The following BOD1L1 variants were observed in gnomAD, a reference collection of about 807,000 sequenced individuals.
BOD1L1 encodes the protein biorientation of chromosomes in cell division 1 like 1, also known as biorientation of chromosomes in cell division protein 1-like 1.
BOD1L1 carries 86 observed loss-of-function variants against 240.7 expected under a neutral mutation model. The ratio of observed to expected loss-of-function variants is 0.36; its 90% CI spans 0.30 to 0.43. The LOEUF (loss-of-function observed/expected upper bound fraction) is 0.43, where lower values mean the gene tolerates loss of function less well. BOD1L1 is among the 20% of genes least tolerant of loss of function. The pLI, the probability that BOD1L1 is intolerant of heterozygous loss-of-function variation, is 1.00. For missense variants in BOD1L1, 3,554 were observed against 3,643.5 expected (o/e 0.98, Z 0.63); for synonymous variants, 1,268 against 1,272.3 (o/e 1.00, Z 0.07).
chr4:13,599,010 T>C lies in BOD1L1; in HGVS notation c.7890A>G (p.Lys2630=), dbSNP rs1290941881. Residue 2630 remains lysine, a synonymous_variant, in exon 10 of 26, where the codon AAA becomes AAG. Coordinates refer to ENST00000040738, the MANE Select transcript of BOD1L1 (RefSeq NM_148894.3). ...EKTGDDNSTR[K]SFPEEGDIMV... ...TTATGTCTCCTTCCTCAGGGAATGA[T>C]TTCCTTGTGCTGTTATCATCTCCTG... 5 of 1,613,742 alleles carry C rather than the reference T, an allele frequency of 3.1e-6. No individual in the cohort carries two copies. The highest frequency in any genetic ancestry group is 2.2e-5 in the East Asian group (1 of 44,882).
intron 22 of BOD1L1, among the ~76,000 whole-genome samples, chr4:13,579,616 G>A (rs1713059808): frequency 6.6e-6 from 1 of 152,160 alleles, no homozygotes; most frequent in Non-Finnish European, 1.5e-5. Flanking sequence ...TCTGGAAAAT[G>A]CAAGCAATAT....
intron 2 of BOD1L1, among the ~76,000 whole-genome samples, chr4:13,619,656 T>C (rs1716895972): frequency 6.6e-6 from 1 of 152,346 alleles, no homozygotes. Flanking sequence ...GTATATATCA[T>C]CTATTAATAT....
At chr4:13,584,399 T>G (rs12331670) in intron 17 of BOD1L1, among the ~76,000 whole-genome samples, 33,241 of 148,166 alleles carry the variant, frequency 0.22, 4,283 homozygotes, top group African/African-American at 0.35. Flanking sequence ...ATGGAGAGAG[T>G]CAGCATGTGT....
At chr4:13,614,130 A>G in intron 4 of BOD1L1, 66 bp downstream of exon 4, 3 of 1,339,588 alleles carry the variant, frequency 2.2e-6, no homozygotes, top group Non-Finnish European at 2.0e-6. Context: ...GGCAAATTTG[A>G]TACTTCCCTG....
At chr4:13,611,146 T>C (rs1333215745) in intron 5 of BOD1L1, 46 bp from the exon 6 acceptor site, 2 of 1,406,058 alleles carry the variant, frequency 1.4e-6, no homozygotes, top group African/African-American at 1.4e-5. Context: ...TGAATTAGCA[T>C]AAAATCAACA....
chr4:13,590,125 G>A (rs111942137), intron 14 of BOD1L1, among the ~76,000 whole-genome samples: 149 of 152,306 alleles, frequency 9.8e-4, no homozygotes, highest in African/African-American at 3.3e-3. Context: ...GAGTCAACTG[G>A]GAGATTAATG....
At chr4:13,587,925 C>T (rs1434178810) in intron 15 of BOD1L1, among the ~76,000 whole-genome samples, 154 bp from the exon 16 acceptor site, 1 of 152,134 alleles carries the variant, frequency 6.6e-6, no homozygotes, top group Non-Finnish European at 1.5e-5. Context: ...GTGGCTCACA[C>T]CTGTAATCCC....
At chr4:13,609,216 C>T (rs1333174413) in intron 7 of BOD1L1, 79 bp downstream of exon 7, 4 of 752,716 alleles carry the variant, frequency 5.3e-6, no homozygotes, top group Non-Finnish European at 7.6e-6. Flanking sequence ...ATATTCATGT[C>T]TCATAAGTAA....
chr4:13,611,029 C>T lies in BOD1L1; in HGVS notation c.1396G>A (p.Val466Ile). The change falls in exon 6 of 26, where the codon GTA becomes ATA. Residue 466 changes from valine (V) to isoleucine (I), a missense_variant. By Grantham distance (29) the Val-to-Ile change is conservative. Around this residue, in one of 2 missense-constraint regions of BOD1L1, gnomAD observed 3,393 missense variants for 3,427.1 expected, o/e 0.99. Coordinates refer to ENST00000040738, the MANE Select transcript of BOD1L1 (RefSeq NM_148894.3). Reference sequence around the variant, plus strand: ...GGTTTGTGGACATACGCATGCCGTACACTTTTTGTTTTTCCTTCACTAGAA... The same window carrying T: ...GGTTTGTGGACATACGCATGCCGTATACTTTTTGTTTTTCCTTCACTAGAA... ...SDSSEGKTKS[V>I]RHAYVHKPYL... 2.5e-6 allele frequency: 4 copies of T among 1,612,136 alleles called. No individual in the cohort carries two copies. The highest frequency in any genetic ancestry group is 1.7e-5 in the Admixed American group (1 of 59,844).
intron 12 of BOD1L1, chr4:13,592,315 G>A (rs981145490): frequency 1.6e-5 from 3 of 187,490 alleles, no homozygotes; most frequent in African/African-American, 7.0e-5. Context: ...TATAACACTG[G>A]TTCATTTAAA....
chr4:13,588,683 T>C (rs766434257), intron 15 of BOD1L1, 39 bp downstream of exon 15: 8 of 1,423,690 alleles, frequency 5.6e-6, no homozygotes, highest in East Asian at 4.8e-5. Context: ...GAAAATATTA[T>C]GTATAAAATA....
chr4:13,602,737 C>T lies in BOD1L1; in HGVS notation c.4163G>A (p.Ser1388Asn). The change falls in exon 10 of 26, where the codon AGT (serine) becomes AAT (asparagine). Residue 1388 changes from serine to asparagine, a missense_variant. Ser to Asn is a conservative substitution (Grantham distance 46, BLOSUM62 1). Around this residue, in one of 2 missense-constraint regions of BOD1L1, gnomAD observed 3,393 missense variants for 3,427.1 expected, o/e 0.99. Coordinates refer to ENST00000040738, the MANE Select transcript of BOD1L1 (RefSeq NM_148894.3). ...KQGKVIMPLG[S>N]KLTGVIVENE... Reference sequence around the variant, plus strand: ...TTCCACAATCACGCCCGTTAACTTACTTCCAAGAGGCATGATTACCTTTCC... The same window carrying T: ...TTCCACAATCACGCCCGTTAACTTATTTCCAAGAGGCATGATTACCTTTCC... 6.2e-7 allele frequency: 1 copy of T among 1,614,030 alleles called. No individual in the cohort carries two copies. The highest frequency in any genetic ancestry group is 8.5e-7 in the Non-Finnish European group (1 of 1,179,892).
intron 6 of BOD1L1, among the ~76,000 whole-genome samples, chr4:13,610,140 C>T (rs962834124): frequency 2.0e-5 from 3 of 152,152 alleles, no homozygotes; most frequent in African/African-American, 7.2e-5. Context: ...TACAACTTTT[C>T]ATATTTTAAT....
intron 6 of BOD1L1, among the ~76,000 whole-genome samples, chr4:13,609,855 A>G (rs1359824309): frequency 6.6e-6 from 1 of 152,204 alleles, no homozygotes; most frequent in Non-Finnish European, 1.5e-5. Flanking sequence ...GTTCTACAAC[A>G]TATATGACTT....
intron 3 of BOD1L1, 89 bp from the exon 4 acceptor site, chr4:13,614,899 T>C: frequency 7.7e-7 from 1 of 1,299,168 alleles, no homozygotes; most frequent in Admixed American, 2.7e-5. Context: ...GTCATCTTTA[T>C]ATGATGCATA....
rs1436004534 is a variant in BOD1L1 at position 13,577,432 on chromosome 4, T to C, written c.8855A>G (p.Lys2952Arg). ...TSVRRRGRKP[K>R]RSLTVSDDAE... is the part of the protein sequence containing the mutation. ...ATCATCTGATACAGTGAGAGAACGT[T>C]TGGGTTTTCTTCCTCTCCGACGCAC... is the stretch of plus-strand genomic sequence containing the variant. The change falls in exon 24 of 26, where the codon AAA (lysine) becomes AGA (arginine). Residue 2952 changes from lysine to arginine, a missense_variant. Lys to Arg is a conservative substitution (Grantham distance 26). Transcript: ENST00000040738. 2 of 1,613,762 alleles carry C rather than the reference T, an allele frequency of 1.2e-6. No homozygotes were observed. Among genetic ancestry groups the C allele is most frequent in the Non-Finnish European group, 8.5e-7 (1 of 1,179,780 alleles).
chr4:13,611,178 G>A, intron 5 of BOD1L1, 78 bp from the exon 6 acceptor site: 1 of 1,062,270 alleles, frequency 9.4e-7, no homozygotes, highest in Non-Finnish European at 1.3e-6. Context: ...AAGCAGTAAA[G>A]GCAAGATGAA....
Position 13,601,850 on chromosome 4 carries a change from C to T in BOD1L1, c.5050G>A (p.Val1684Ile). Residue 1684 changes from valine (V) to isoleucine (I), a missense_variant, in exon 10 of 26, where the codon GTT (valine) becomes ATT (isoleucine). Physicochemically the swap from Val to Ile is conservative, Grantham distance 29. Coordinates refer to ENST00000040738, the MANE Select transcript of BOD1L1 (RefSeq NM_148894.3). ...VEGTITFISE[V>I]ESDGAVTSAG... is the part of the protein sequence containing the mutation. Reference sequence around the variant, plus strand: ...CTTGTAACTGCTCCATCACTTTCAACTTCACTAATAAAAGTAATAGTTCCT... The same window carrying T: ...CTTGTAACTGCTCCATCACTTTCAATTTCACTAATAAAAGTAATAGTTCCT... 6.2e-7 allele frequency: 1 copy of T among 1,613,982 alleles called. No homozygotes were observed. The highest frequency in any genetic ancestry group is 1.3e-5 in the African/African-American group (1 of 75,050).
intron 25 of BOD1L1, chr4:13,572,580 T>C: frequency 2.0e-6 from 2 of 997,820 alleles, no homozygotes; most frequent in Non-Finnish European, 2.6e-6. Flanking sequence ...TGGAAACCAA[T>C]GATCCCCAAA....
Sources: allele counts gnomAD v4.1 joint callset (sites outside exome capture counted in the v4.1 genomes callset), GRCh38; gene constraint gnomAD v4.1.1; regional missense constraint gnomAD v4.1.1; transcripts MANE v1.5; gene names NCBI Gene and HGNC (gene_info 2026-07-23, HGNC 2026-07-21).